The following KCNMA1 variants were observed in gnomAD, a reference collection of about 807,000 sequenced individuals.
KCNMA1 encodes Calcium-activated potassium channel subunit alpha-1.
Under a neutral mutation model 140.0 loss-of-function variants are expected in KCNMA1, and 29 were observed. The observed-to-expected ratio is 0.21, with a 90% CI of 0.15 to 0.28. KCNMA1 has a LOEUF of 0.28. Ranked by LOEUF, KCNMA1 falls within the 10% of genes least tolerant of loss-of-function variation. The pLI is 1.00. For synonymous variants in KCNMA1, 612 were observed against 611.9 expected (o/e 1.00, Z 0.00); for missense variants, 880 against 1,602.2 (o/e 0.55, Z 7.70).
intron 15 of KCNMA1, among the ~76,000 whole-genome samples, chr10:77,035,784 AG>A (rs2153563761): frequency 6.6e-6 from 1 of 152,338 alleles, no homozygotes; most frequent in East Asian, 1.9e-4. Flanking sequence ...TAAAGGTAGA[AG>A]GAAAAGGAGA....
Position 77,422,758 on chromosome 10 carries a change from G to C in KCNMA1, c.379-18735C>G, listed in dbSNP as rs180672682. ...GACACACATAGGGAGAACGCCCCATGACCAAAGAAGCAGAGACTGGAGTGG... is the reference window on the plus strand; with the variant it reads ...GACACACATAGGGAGAACGCCCCATCACCAAAGAAGCAGAGACTGGAGTGG... On this transcript the variant is annotated intron_variant, in intron 1 of 27. Coordinates refer to ENST00000286628, the MANE Select transcript of KCNMA1 (RefSeq NM_001161352.2). 5.3e-5 allele frequency among the ~76,000 whole-genome samples: 8 copies of C among 152,298 alleles called. No homozygotes were observed. In the East Asian group the frequency reaches 1.5e-3, roughly 29 times the overall value.
chr10:77,489,987 GTT>G (rs2098512348), intron 1 of KCNMA1, among the ~76,000 whole-genome samples: 1 of 152,208 alleles, frequency 6.6e-6, no homozygotes, highest in Non-Finnish European at 1.5e-5. Context: ...CCCCGGCACT[GTT>G]GACATTTTGG....
intron 3 of KCNMA1, among the ~76,000 whole-genome samples, chr10:77,242,075 C>T (rs1347551391): frequency 6.6e-6 from 1 of 152,234 alleles, no homozygotes; most frequent in East Asian, 1.9e-4. Context: ...CCCCATCATG[C>T]CCCTGTGATG....
At chr10:76,964,709 G>T (rs2073180634) in intron 20 of KCNMA1, among the ~76,000 whole-genome samples, 1 of 152,164 alleles carries the variant, frequency 6.6e-6, no homozygotes, top group South Asian at 2.1e-4. Flanking sequence ...AGCAGGCTCT[G>T]ATGTGAGAAG....
At chr10:77,161,809 G>A (rs1211861838) in intron 5 of KCNMA1, among the ~76,000 whole-genome samples, 1 of 152,002 alleles carries the variant, frequency 6.6e-6, no homozygotes, top group Non-Finnish European at 1.5e-5. Flanking sequence ...TTCATCTTTT[G>A]TTATATTGAC....
chr10:77,547,861 A>T (rs1315064421), intron 1 of KCNMA1, among the ~76,000 whole-genome samples: 1 of 152,170 alleles, frequency 6.6e-6, no homozygotes, highest in Non-Finnish European at 1.5e-5. Context: ...CTATTTTTAT[A>T]AATAAAGTTT....
At chr10:76,901,533 A>G (rs1296030610) in intron 25 of KCNMA1, 1 of 152,208 alleles carries the variant, frequency 6.6e-6, no homozygotes, top group Non-Finnish European at 1.5e-5. Context: ...CTGTGTTGAA[A>G]TCAGTTATAC....
chr10:76,871,267 C>G (rs2031266990), exon 28 of KCNMA1: 1 of 152,766 alleles, frequency 6.5e-6, no homozygotes, highest in South Asian at 2.1e-4. Flanking sequence ...CTGGATGAAC[C>G]CAATGTAACA....
chr10:77,162,958 T>C (rs1294414454), intron 5 of KCNMA1, among the ~76,000 whole-genome samples: 1 of 152,254 alleles, frequency 6.6e-6, no homozygotes, highest in Admixed American at 6.5e-5. Flanking sequence ...AATGATTTCA[T>C]CTTGATATTG....
chr10:77,002,606 T>C (rs1354258192), intron 18 of KCNMA1, among the ~76,000 whole-genome samples: 1 of 152,220 alleles, frequency 6.6e-6, no homozygotes, highest in Non-Finnish European at 1.5e-5. Flanking sequence ...AAAGCTGGTA[T>C]GGTAGGTTCT....
At chr10:77,198,168 A>C (rs2041231206) in intron 3 of KCNMA1, among the ~76,000 whole-genome samples, 1 of 152,190 alleles carries the variant, frequency 6.6e-6, no homozygotes, top group Non-Finnish European at 1.5e-5. Flanking sequence ...AAAGATACAC[A>C]CCATGGTTTC....
At chr10:77,608,739 T>C (rs1203024907) in intron 1 of KCNMA1, among the ~76,000 whole-genome samples, 1 of 152,212 alleles carries the variant, frequency 6.6e-6, no homozygotes, top group Non-Finnish European at 1.5e-5. Context: ...GATCTCCCTC[T>C]GCCCAGAACT....
intron 1 of KCNMA1, among the ~76,000 whole-genome samples, chr10:77,501,414 C>A (rs1453055228): frequency 6.6e-6 from 1 of 152,204 alleles, no homozygotes; most frequent in Non-Finnish European, 1.5e-5. Context: ...TGTGCATGTG[C>A]CTGAGGAGGA....
At chr10:76,889,679 G>A in intron 26 of KCNMA1, 110 bp from the exon 27 acceptor site, 1 of 877,424 alleles carries the variant, frequency 1.1e-6, no homozygotes, top group Non-Finnish European at 1.9e-6. Flanking sequence ...TGTCTCCCAA[G>A]TTGGAGGGTC....
intron 1 of KCNMA1, among the ~76,000 whole-genome samples, chr10:77,522,634 A>G (rs1165865043): frequency 1.3e-5 from 2 of 152,186 alleles, no homozygotes; most frequent in East Asian, 3.9e-4. Flanking sequence ...ACAGGGAAGC[A>G]GAGTTGTGGG....
intron 1 of KCNMA1, among the ~76,000 whole-genome samples, chr10:77,412,049 T>G (rs2096631505): frequency 6.6e-6 from 1 of 152,194 alleles, no homozygotes; most frequent in South Asian, 2.1e-4. Context: ...GAGGTAGGGT[T>G]CTGACAGGGA....
chr10:77,335,895 C>T (rs772854462), intron 2 of KCNMA1, among the ~76,000 whole-genome samples: 1 of 152,178 alleles, frequency 6.6e-6, no homozygotes, highest in African/African-American at 2.4e-5. Context: ...CTTCATATCA[C>T]CCCTTGTCCC....
At chr10:77,566,729 G>A (rs1186129142) in intron 1 of KCNMA1, among the ~76,000 whole-genome samples, 2 of 152,204 alleles carry the variant, frequency 1.3e-5, no homozygotes, top group African/African-American at 2.4e-5. Context: ...TGTGTCCAGA[G>A]TTGTTCCGGG....
At chr10:77,379,374 CA>C (rs1420670101) in intron 2 of KCNMA1, among the ~76,000 whole-genome samples, 1 of 152,030 alleles carries the variant, frequency 6.6e-6, no homozygotes, top group African/African-American at 2.4e-5. Context: ...ACCCAATAAG[CA>C]ATAAGAACTC....
Sources: allele counts gnomAD v4.1 joint callset (sites outside exome capture counted in the v4.1 genomes callset), GRCh38; gene constraint gnomAD v4.1.1; transcripts MANE v1.5; gene names NCBI Gene and HGNC (gene_info 2026-07-23, HGNC 2026-07-21).